The following OPCML variants were observed in gnomAD, a reference collection of about 807,000 sequenced individuals.
The protein encoded by OPCML is opioid-binding protein/cell adhesion molecule.
In OPCML, 13 loss-of-function variants were observed where a neutral mutation model predicts 37.8. The observed-to-expected ratio is 0.34, with a 90% CI of 0.22 to 0.55. OPCML has a LOEUF of 0.55. Ranked by LOEUF, OPCML falls within the 20% of genes least tolerant of loss-of-function variation. The pLI is 0.91. For synonymous variants in OPCML, 176 were observed against 168.8 expected (o/e 1.04, Z -0.33); for missense variants, 341 against 435.6 (o/e 0.78, Z 1.93).
At chr11:133,519,659 C>T (rs763149020) in intron 1 of OPCML, among the ~76,000 whole-genome samples, 1 of 152,224 alleles carries the variant, frequency 6.6e-6, no homozygotes, top group African/African-American at 2.4e-5. Flanking sequence ...TCAGCCACAG[C>T]ATAAAATATG....
chr11:132,978,174 A>G (rs1485896102), intron 1 of OPCML, among the ~76,000 whole-genome samples: 1 of 152,174 alleles, frequency 6.6e-6, no homozygotes, highest in Non-Finnish European at 1.5e-5. Context: ...GATACAAAGA[A>G]ACACAAGTAG....
At chr11:132,850,361 C>T (rs1941750211) in intron 2 of OPCML, among the ~76,000 whole-genome samples, 1 of 152,160 alleles carries the variant, frequency 6.6e-6, no homozygotes, top group East Asian at 1.9e-4. Flanking sequence ...CATTAAAAGG[C>T]TCATAAACAT....
At chr11:132,975,143 A>G (rs2136767618) in intron 1 of OPCML, among the ~76,000 whole-genome samples, 1 of 152,098 alleles carries the variant, frequency 6.6e-6, no homozygotes, top group Middle Eastern at 3.4e-3. Flanking sequence ...AATATAGACC[A>G]AGTCTATATT....
chr11:133,125,076 T>C (rs184261584), intron 1 of OPCML, among the ~76,000 whole-genome samples: 121 of 152,272 alleles, frequency 7.9e-4, no homozygotes, highest in Admixed American at 4.4e-3. Flanking sequence ...GAATGGCGAT[T>C]GTAATCACTG....
rs574143905 is a variant in OPCML, at chr11:133,298,845, G to A, written c.61+233419C>T. 2.6e-5 allele frequency: 4 copies of A among 152,224 alleles called. No homozygotes were observed. The South Asian group carries it at 8.3e-4, about 32-fold the overall frequency. 9.4% of individuals were successfully genotyped at this position (152,224 alleles called of 1,614,324 possible). The stretch of plus-strand genomic sequence containing the variant: ...TCAGACTGCTTGTGTGATAACAAAA[G>A]CGGCCATAATAAATGTCATAAAACA... On this transcript the variant is annotated intron_variant, in intron 1 of 7. Transcript: ENST00000524381.
At chr11:132,705,257 T>C (rs1943985866) in intron 2 of OPCML, among the ~76,000 whole-genome samples, 2 of 152,036 alleles carry the variant, frequency 1.3e-5, no homozygotes, top group South Asian at 4.2e-4. Flanking sequence ...GTGCTGTTCT[T>C]GTGATGGTGA....
At chr11:132,420,924 C>T (rs1367405098) in intron 7 of OPCML, among the ~76,000 whole-genome samples, 2 of 152,122 alleles carry the variant, frequency 1.3e-5, no homozygotes, top group African/African-American at 4.8e-5. Context: ...GATCAACATG[C>T]CCAAAACAGA....
chr11:133,145,986 A>G (rs924928745), intron 1 of OPCML, among the ~76,000 whole-genome samples: 13 of 152,250 alleles, frequency 8.5e-5, no homozygotes, highest in African/African-American at 3.1e-4. Flanking sequence ...ATTTCTAACA[A>G]TGGTAGCCCT....
At chr11:132,464,045 A>G (rs966497411) in intron 4 of OPCML, among the ~76,000 whole-genome samples, 4 of 152,224 alleles carry the variant, frequency 2.6e-5, no homozygotes, top group Non-Finnish European at 5.9e-5. Context: ...GTAACTTAGC[A>G]CATAAACAAA....
chr11:133,347,097 T>G (rs578166987), intron 1 of OPCML, among the ~76,000 whole-genome samples: 1 of 152,368 alleles, frequency 6.6e-6, no homozygotes, highest in African/African-American at 2.4e-5. Context: ...TTTTATTTAC[T>G]TTTTTGTTGG....
chr11:132,824,746 T>C (rs1940198664), intron 2 of OPCML, among the ~76,000 whole-genome samples: 1 of 152,154 alleles, frequency 6.6e-6, no homozygotes, highest in Non-Finnish European at 1.5e-5. Flanking sequence ...CCCGTGGCTG[T>C]AAACTTCAAT....
intron 1 of OPCML, among the ~76,000 whole-genome samples, chr11:132,949,992 C>A (rs59640187): frequency 0.011 from 1,681 of 152,220 alleles, 35 homozygotes; most frequent in African/African-American, 0.038. Context: ...GACTGATCGG[C>A]TGAGTGAAGG....
intron 1 of OPCML, among the ~76,000 whole-genome samples, chr11:133,317,525 G>T (rs1943233687): frequency 6.6e-6 from 1 of 152,190 alleles, no homozygotes; most frequent in Non-Finnish European, 1.5e-5. Flanking sequence ...GGGCCCACTT[G>T]CTGAGAGGCA....
At chr11:132,987,730 A>G (rs1946706050) in intron 1 of OPCML, among the ~76,000 whole-genome samples, 2 of 152,158 alleles carry the variant, frequency 1.3e-5, no homozygotes, top group African/African-American at 2.4e-5. Context: ...AAAAGGAAGC[A>G]TAGCGTCTTC....
chr11:133,527,978 C>G (rs1948522383), intron 1 of OPCML, among the ~76,000 whole-genome samples: 1 of 152,182 alleles, frequency 6.6e-6, no homozygotes, highest in Non-Finnish European at 1.5e-5. Flanking sequence ...GACCCAGGCC[C>G]AGAGCTGCTA....
rs59542906 is a variant in OPCML, at chr11:133,153,005, T to G, written c.62-209995A>C. 8.9e-3 allele frequency among the ~76,000 whole-genome samples: 1,351 copies of G among 152,132 alleles called. 17 individuals are homozygous for G. The highest frequency in any genetic ancestry group is 0.031 in the African/African-American group (1,304 of 41,482). On this transcript the variant is annotated intron_variant, in intron 1 of 7. Coordinates refer to ENST00000524381, the MANE Select transcript of OPCML (RefSeq NM_001012393.5). ...GGAGCAGTCTCCACAGCGGGCTGTG[T>G]GTTCCACGGGGTGACCTTCTCCCTG...
intron 3 of OPCML, among the ~76,000 whole-genome samples, chr11:132,575,307 T>C (rs1421877620): frequency 1.3e-5 from 2 of 152,100 alleles, no homozygotes; most frequent in African/African-American, 4.8e-5. Context: ...TTTAGTACTA[T>C]AGTTCTTTTG....
At chr11:132,449,942 G>C (rs2096064421) in intron 4 of OPCML, among the ~76,000 whole-genome samples, 1 of 152,184 alleles carries the variant, frequency 6.6e-6, no homozygotes, top group African/African-American at 2.4e-5. Context: ...CTCGACATTT[G>C]ATTTGGGCTC....
chr11:132,420,457 A>C, intron 7 of OPCML, 164 bp from the exon 8 acceptor site: 1 of 936,444 alleles, frequency 1.1e-6, no homozygotes, highest in Non-Finnish European at 1.3e-6. Context: ...TTAGGAACTC[A>C]AAGGGGCAAG....
Sources: allele counts gnomAD v4.1 joint callset (sites outside exome capture counted in the v4.1 genomes callset), GRCh38; gene constraint gnomAD v4.1.1; transcripts MANE v1.5; gene names NCBI Gene and HGNC (gene_info 2026-07-23, HGNC 2026-07-21).